KLF8: variants seen among roughly 807,000 people sequenced by gnomAD.
KLF8 encodes Krueppel-like factor 8.
Under a neutral mutation model 18.2 loss-of-function variants are expected in KLF8, and 10 were observed. That is an observed-to-expected ratio of 0.55 (90% CI 0.34 to 0.93). KLF8 has a LOEUF of 0.93. Among genes scored for constraint, KLF8 ranks in the 40% least tolerant of loss-of-function variants. The probability of loss-of-function intolerance (pLI) is 0.02; values close to 1 mark genes in which losing one functional copy is unlikely to be tolerated. For synonymous variants in KLF8, 109 were observed against 97.3 expected (o/e 1.12, Z -0.71); for missense variants, 264 against 277.9 (o/e 0.95, Z 0.36).
chrX:56,060,468 G>T, the KLF8 span, among the ~76,000 whole-genome samples: 4 of 112,066 alleles, frequency 3.6e-5, no homozygotes, highest in African/African-American at 1.3e-4. Flanking sequence ...CATTGATTCT[G>T]TTTATGTGTT....
chrX:55,969,281 G>C, the KLF8 span, among the ~76,000 whole-genome samples: 2 of 111,642 alleles, frequency 1.8e-5, no homozygotes, highest in African/African-American at 6.5e-5. Context: ...AATAAAACCA[G>C]AAATCAAAAA....
chrX:56,041,778 C>T, the KLF8 span, among the ~76,000 whole-genome samples: 1 of 111,448 alleles, frequency 9.0e-6, no homozygotes. Context: ...CAACCTCCAC[C>T]TCTTGGGTTC....
chrX:55,917,303 T>C, the KLF8 span, among the ~76,000 whole-genome samples: 1,715 of 112,075 alleles, frequency 0.015, 41 homozygotes, highest in African/African-American at 0.052. Flanking sequence ...TTCTTTCCCT[T>C]TCCTCTTTGA....
At chrX:56,096,198 G>A in the KLF8 span, among the ~76,000 whole-genome samples, 1 of 111,490 alleles carries the variant, frequency 9.0e-6, no homozygotes, top group Non-Finnish European at 1.9e-5. Flanking sequence ...CAGAAACAGA[G>A]CGCCAAATAC....
chrX:56,270,737 A>G (rs1300360035), intron 5 of KLF8, among the ~76,000 whole-genome samples: 1 of 111,407 alleles, frequency 9.0e-6, no homozygotes, highest in Non-Finnish European at 1.9e-5. Flanking sequence ...GAAAAGCACA[A>G]GAACAATTTA....
chrX:55,938,819 A>T, the KLF8 span, among the ~76,000 whole-genome samples: 1 of 111,838 alleles, frequency 8.9e-6, no homozygotes, highest in Non-Finnish European at 1.9e-5. Context: ...CAAGAAGAAG[A>T]CCTAACTATC....
chrX:56,134,180 G>A, the KLF8 span, among the ~76,000 whole-genome samples: 1 of 110,775 alleles, frequency 9.0e-6, no homozygotes, highest in East Asian at 2.8e-4. Context: ...AAATTCATAT[G>A]GAACCAAAAA....
chrX:56,045,239 C>T, the KLF8 span, among the ~76,000 whole-genome samples: 2 of 111,852 alleles, frequency 1.8e-5, no homozygotes, highest in African/African-American at 6.5e-5. Context: ...GTACTTTATT[C>T]TGTTCCATTG....
the KLF8 span, among the ~76,000 whole-genome samples, chrX:56,140,376 A>G: frequency 8.9e-6 from 1 of 112,028 alleles, no homozygotes; most frequent in Non-Finnish European, 1.9e-5. Flanking sequence ...TCTACAGTGG[A>G]CTTGGTAAAG....
intron 5 of KLF8, among the ~76,000 whole-genome samples, chrX:56,276,783 G>T (rs1347566497): frequency 9.0e-6 from 1 of 111,164 alleles, no homozygotes; most frequent in Non-Finnish European, 1.9e-5. Flanking sequence ...CTTGGATATT[G>T]ATATCTTTCC....
intron 5 of KLF8, among the ~76,000 whole-genome samples, chrX:56,272,786 C>CTTTTG (rs904702270): frequency 1.8e-5 from 2 of 111,226 alleles, no homozygotes; most frequent in African/African-American, 3.3e-5. Context: ...CATCTGTTTG[C>CTTTTG]TTTTGTTTTG....
chrX:56,082,856 T>G, the KLF8 span, among the ~76,000 whole-genome samples: 1 of 111,893 alleles, frequency 8.9e-6, no homozygotes, highest in African/African-American at 3.2e-5. Flanking sequence ...AATATATCAT[T>G]TTGCTGTCTT....
chrX:56,145,953 A>G, the KLF8 span, among the ~76,000 whole-genome samples: 1 of 112,496 alleles, frequency 8.9e-6, no homozygotes, highest in African/African-American at 3.2e-5. Flanking sequence ...CGACAAACAA[A>G]TGAAAGAAAG....
the KLF8 span, among the ~76,000 whole-genome samples, chrX:56,065,553 T>C: frequency 8.9e-6 from 1 of 111,958 alleles, no homozygotes; most frequent in Non-Finnish European, 1.9e-5. Context: ...TCATAATTTT[T>C]TTTCATTGGA....
chrX:56,261,755 CAA>C (rs1460184832), intron 2 of KLF8, among the ~76,000 whole-genome samples: 1 of 110,633 alleles, frequency 9.0e-6, no homozygotes, highest in East Asian at 2.8e-4. Flanking sequence ...GACTGTATAA[CAA>C]TATTTTTATT....
the KLF8 span, among the ~76,000 whole-genome samples, chrX:56,013,355 G>A: frequency 8.9e-6 from 1 of 112,007 alleles, no homozygotes; most frequent in Non-Finnish European, 1.9e-5. Context: ...AGTTTTACAG[G>A]CTCATAGGTG....
chrX:56,088,416 T>C, the KLF8 span, among the ~76,000 whole-genome samples: 2 of 111,692 alleles, frequency 1.8e-5, no homozygotes, highest in Non-Finnish European at 3.8e-5. Context: ...GGTACATTTT[T>C]TTCTGTTTCT....
At chrX:55,915,176 TA>T in the KLF8 span, among the ~76,000 whole-genome samples, 7 of 111,195 alleles carry the variant, frequency 6.3e-5, no homozygotes, top group Non-Finnish European at 1.1e-4. Flanking sequence ...GCAATAAATG[TA>T]CCAAGTACTA....
the KLF8 span, among the ~76,000 whole-genome samples, chrX:55,962,783 A>G: frequency 8.9e-6 from 1 of 112,284 alleles, no homozygotes; most frequent in Admixed American, 9.4e-5. Flanking sequence ...ACACCAAAAA[A>G]CCTGTCAGTT....
Sources: allele counts gnomAD v4.1 joint callset (sites outside exome capture counted in the v4.1 genomes callset), GRCh38; gene constraint gnomAD v4.1.1; transcripts MANE v1.5; gene names NCBI Gene and HGNC (gene_info 2026-07-23, HGNC 2026-07-21).